ZC3H6: variants seen among roughly 807,000 people sequenced by gnomAD.
ZC3H6 encodes zinc finger CCCH domain-containing protein 6.
In ZC3H6, 40 loss-of-function variants were observed where a neutral mutation model predicts 107.7. The observed-to-expected ratio is 0.37, with a 90% confidence interval of 0.29 to 0.48. ZC3H6 has a LOEUF of 0.48. ZC3H6 is among the 20% of genes least tolerant of loss of function. The pLI, the probability that ZC3H6 is intolerant of heterozygous loss-of-function variation, is 0.98. For synonymous variants in ZC3H6, 493 were observed against 487.9 expected, an observed-to-expected ratio of 1.01 and a Z score of -0.14; for missense variants, 1,267 against 1,410.4, an observed-to-expected ratio of 0.90 and a Z score of 1.63.
chr2:112,310,290 C>G, intron 4 of ZC3H6, 129 bp downstream of exon 4: 1 of 933,334 alleles, frequency 1.1e-6, no homozygotes, highest in Non-Finnish European at 1.6e-6. Context: ...AATTCATTTT[C>G]TTTTATTTTG....
At chr2:112,328,072 A>G (rs916010324) in intron 11 of ZC3H6, among the ~76,000 whole-genome samples, 1 of 151,978 alleles carries the variant, frequency 6.6e-6, no homozygotes. Flanking sequence ...TTGTATTTTT[A>G]GTAGAGACAC....
chr2:112,292,209 A>G (rs1676134929), intron 1 of ZC3H6, among the ~76,000 whole-genome samples: 1 of 152,224 alleles, frequency 6.6e-6, no homozygotes, highest in Non-Finnish European at 1.5e-5. Flanking sequence ...AACCTGGCAC[A>G]GTTTTAACAA....
Position 112,332,140 on chromosome 2 carries a change from GAAA to G in ZC3H6, c.3227_3229del (p.Lys1076del). On this transcript the variant is annotated inframe_deletion, in exon 12 of 12. Coordinates refer to ENST00000409871, the MANE Select transcript of ZC3H6 (RefSeq NM_198581.3). ...CTTCAGGAGAAAACTCAAAGAACCA[GAAA>G]AAAAGTGGTGGCTTAAAAAGTAGTG... 6.2e-7 allele frequency: 1 copy of G among 1,613,842 alleles called. No individual in the cohort carries two copies. Among genetic ancestry groups the G allele is most frequent in the Non-Finnish European group, 8.5e-7 (1 of 1,179,822 alleles).
intron 1 of ZC3H6, among the ~76,000 whole-genome samples, chr2:112,277,094 AT>A (rs1686440942): frequency 6.6e-6 from 1 of 152,226 alleles, no homozygotes; most frequent in Non-Finnish European, 1.5e-5. Flanking sequence ...CACTGCTGAA[AT>A]TTGAAATATC....
chr2:112,321,772 G>C lies in ZC3H6; in HGVS notation c.993G>C (p.Lys331Asn), dbSNP rs770183703. 1 of 1,517,070 alleles carries C rather than the reference G, an allele frequency of 6.6e-7. No individual in the cohort carries two copies. The highest frequency in any genetic ancestry group is 1.3e-5 in the South Asian group (1 of 74,698). The allele number at this position is 1,517,070 out of a possible 1,614,324, so 94.0% of individuals were successfully genotyped here. The change falls in exon 8 of 12, where the codon AAG (lysine) becomes AAC (asparagine). Residue 331 changes from lysine (K) to asparagine (N), a missense_variant. Coordinates refer to ENST00000409871, the MANE Select transcript of ZC3H6 (RefSeq NM_198581.3). ...TTTATTTACATGAATTTCCATGCAA[G>C]TTCTATCATAGTGGAGCAAAATGTT... The part of the protein sequence containing the change: ...CIYMHNEFPC[K>N]FYHSGAKCYQ...
intron 9 of ZC3H6, among the ~76,000 whole-genome samples, chr2:112,323,381 T>C (rs761376877): frequency 1.3e-5 from 2 of 152,200 alleles, no homozygotes; most frequent in Non-Finnish European, 2.9e-5. Context: ...AGTCACATTG[T>C]TGAGCATTCG....
chr2:112,324,349 C>G lies in ZC3H6; in HGVS notation c.1538C>G (p.Pro513Arg). 6.2e-7 allele frequency: 1 copy of G among 1,614,000 alleles called. No individual in the cohort carries two copies. Among genetic ancestry groups the G allele is most frequent in the East Asian group, 2.2e-5 (1 of 44,878 alleles). Residue 513 changes from proline (P) to arginine (R), a missense_variant, in exon 10 of 12, where the codon CCA (proline) becomes CGA (arginine). Pro to Arg is a moderately radical substitution (Grantham distance 103). This residue lies in a region of ZC3H6 where 925 missense variants were observed against 1,025.7 expected (regional missense o/e 0.90). Coordinates refer to ENST00000409871, the MANE Select transcript of ZC3H6 (RefSeq NM_198581.3). Reference sequence around the variant, plus strand: ...GCAGGACCTCCTGGTCTACCAGTGCCACAGAGCCCACCTTTACCACCTGGT... The same window carrying G: ...GCAGGACCTCCTGGTCTACCAGTGCGACAGAGCCCACCTTTACCACCTGGT... ...PCAGPPGLPV[P>R]QSPPLPPGPP...
At position 112,277,464 on chromosome 2, in the gene ZC3H6, A is replaced by G. The variant is rs77988778; in HGVS notation, c.32+1438A>G. On this transcript the variant is annotated intron_variant, in intron 1 of 11. Transcript: ENST00000409871. Reference sequence around the variant, plus strand: ...CAAAGTAACTTCTATATATGGAGTTATGTATTGTACATCATGAAAAAACAA... The same window carrying G: ...CAAAGTAACTTCTATATATGGAGTTGTGTATTGTACATCATGAAAAAACAA... Among the ~76,000 whole-genome samples, 76 of 152,158 alleles carry G rather than the reference A, an allele frequency of 5.0e-4. 1 individual carries two copies. In the East Asian group the frequency reaches 0.014, roughly 29 times the overall value.
At position 112,333,681 on chromosome 2, in the gene ZC3H6, T is replaced by C. The variant is rs1300035419; in HGVS notation, c.*1193T>C. ...AACTCTTTGTTTTATACATATATAATTTATAACTGAATCTAAGTATTAGAC... is the reference window on the plus strand; with the variant it reads ...AACTCTTTGTTTTATACATATATAACTTATAACTGAATCTAAGTATTAGAC... On this transcript the variant is annotated 3_prime_UTR_variant, in exon 12 of 12. Coordinates refer to ENST00000409871, the MANE Select transcript of ZC3H6 (RefSeq NM_198581.3). The C allele has an allele frequency of 6.6e-6, 1 of 152,150 alleles. No individual in the cohort carries two copies. Among genetic ancestry groups the C allele is most frequent in the East Asian group, 1.9e-4 (1 of 5,202 alleles). The allele number at this position is 152,150 out of a possible 1,614,324, so 9.4% of individuals were successfully genotyped here. A position where few individuals can be genotyped will look rare whatever the true frequency, so the allele number is the denominator to read the frequency against.
chr2:112,280,925 G>A (rs563231956), intron 1 of ZC3H6, among the ~76,000 whole-genome samples: 32 of 152,234 alleles, frequency 2.1e-4, no homozygotes, highest in African/African-American at 6.7e-4. Context: ...TATACTACCT[G>A]GGGGATAGGA....
chr2:112,332,187 C>T lies in ZC3H6; in HGVS notation c.3269C>T (p.Pro1090Leu), dbSNP rs1677048993. ...AGTAGTGACAAAACTGAACCTTCTC[C>T]TGGAGAAGCCATCCTTCCACAAAAA... ...LKSSDKTEPS[P>L]GEAILPQKPS... The change falls in exon 12 of 12, where the codon CCT becomes CTT. Residue 1090 changes from proline to leucine, a missense_variant. By Grantham distance (98) the Pro-to-Leu change is moderately conservative. Coordinates refer to ENST00000409871, the MANE Select transcript of ZC3H6 (RefSeq NM_198581.3). 3 of 1,613,964 alleles carry T rather than the reference C, an allele frequency of 1.9e-6. No homozygotes were observed. The highest frequency in any genetic ancestry group is 1.7e-6 in the Non-Finnish European group (2 of 1,179,866).
At chr2:112,291,572 C>G (rs1019351205) in intron 1 of ZC3H6, among the ~76,000 whole-genome samples, 1 of 152,214 alleles carries the variant, frequency 6.6e-6, no homozygotes, top group African/African-American at 2.4e-5. Flanking sequence ...AGGAATAATA[C>G]AAACACAACC....
intron 1 of ZC3H6, among the ~76,000 whole-genome samples, chr2:112,299,066 A>G (rs1240856368): frequency 6.6e-6 from 1 of 152,116 alleles, no homozygotes; most frequent in Admixed American, 6.5e-5. Flanking sequence ...TCACGAGGTC[A>G]GGAGATTGAG....
chr2:112,319,639 C>G (rs1676764863), intron 7 of ZC3H6, among the ~76,000 whole-genome samples: 1 of 150,856 alleles, frequency 6.6e-6, no homozygotes, highest in African/African-American at 2.4e-5. Context: ...GAGCAAGACT[C>G]TGTCTCAAAA....
At position 112,303,524 on chromosome 2, in the gene ZC3H6, A is replaced by G. The variant is rs149024936; in HGVS notation, c.336+173A>G. 38 of 524,688 alleles carry G rather than the reference A, an allele frequency of 7.2e-5. No homozygotes were observed. The Middle Eastern group carries it at 1.5e-3, about 20-fold the overall frequency. The allele number at this position is 524,688 out of a possible 1,614,324, so 32.5% of individuals were successfully genotyped here. On this transcript the variant is annotated intron_variant, in intron 3 of 11. Coordinates refer to ENST00000409871, the MANE Select transcript of ZC3H6 (RefSeq NM_198581.3). ...CATTCCAAACAGAAACTCAGCACCT[A>G]TTAAGCAATAACATCTCGTTTTCCC... is the stretch of plus-strand genomic sequence containing the variant.
Position 112,330,987 on chromosome 2 carries a change from G to C in ZC3H6, c.2087-18G>C, listed in dbSNP as rs766293116. 2 of 1,344,046 alleles carry C rather than the reference G, an allele frequency of 1.5e-6. No homozygotes were observed. Among genetic ancestry groups the C allele is most frequent in the Admixed American group, 3.5e-5 (1 of 28,542 alleles). 83.3% of individuals were successfully genotyped at this position (1,344,046 alleles called of 1,614,324 possible). On this transcript the variant is annotated intron_variant, in intron 11 of 11. Transcript: ENST00000409871. Reference sequence around the variant, plus strand: ...GTTTATAATATAAAGTTTATAATAAGTTTTTGTCTGCATTTAGATGATACA... The same window carrying C: ...GTTTATAATATAAAGTTTATAATAACTTTTTGTCTGCATTTAGATGATACA...
intron 1 of ZC3H6, among the ~76,000 whole-genome samples, chr2:112,283,033 T>C (rs766882949): frequency 6.6e-6 from 1 of 152,216 alleles, no homozygotes; most frequent in Non-Finnish European, 1.5e-5. Context: ...TGCATGTTAG[T>C]ATCTTAAATT....
chr2:112,339,849 C>G lies in ZC3H6; in HGVS notation c.*7361C>G, dbSNP rs1013515703. 1 of 152,004 alleles carries G rather than the reference C, an allele frequency of 6.6e-6. No homozygotes were observed. The highest frequency in any genetic ancestry group is 1.5e-5 in the Non-Finnish European group (1 of 68,010). 9.4% of individuals were successfully genotyped at this position (152,004 alleles called of 1,614,324 possible). ...ATTAATGACGTTGTTAATCTGTCTG[C>G]TCAAAAGACACCAGCAAGGGGGTAT... On this transcript the variant is annotated 3_prime_UTR_variant, in exon 12 of 12. Transcript: ENST00000409871.
chr2:112,295,619 G>C (rs1052155877), intron 1 of ZC3H6, among the ~76,000 whole-genome samples: 19 of 152,088 alleles, frequency 1.2e-4, no homozygotes, highest in Admixed American at 1.0e-3. Flanking sequence ...ACATTTCAAA[G>C]GGTTTGGAAG....
Sources: allele counts gnomAD v4.1 joint callset (sites outside exome capture counted in the v4.1 genomes callset), GRCh38; gene constraint gnomAD v4.1.1; regional missense constraint gnomAD v4.1.1; transcripts MANE v1.5; gene names NCBI Gene and HGNC (gene_info 2026-07-23, HGNC 2026-07-21).